BRINP3: variants seen among roughly 807,000 people sequenced by gnomAD.
BRINP3 encodes BMP/retinoic acid inducible neural specific 3.
Under a neutral mutation model 71.0 loss-of-function variants are expected in BRINP3, and 19 were observed. That is an observed-to-expected ratio of 0.27 (90% CI 0.19 to 0.39). The LOEUF (loss-of-function observed/expected upper bound fraction) is 0.39, where lower values mean the gene tolerates loss of function less well. Among genes scored for constraint, BRINP3 ranks in the 10% least tolerant of loss-of-function variants. The probability of loss-of-function intolerance (pLI) is 1.00; values close to 1 mark genes in which losing one functional copy is unlikely to be tolerated. For synonymous variants in BRINP3, 380 were observed against 337.7 expected (o/e 1.13, Z -1.37); for missense variants, 959 against 940.8 (o/e 1.02, Z -0.25).
intron 2 of BRINP3, among the ~76,000 whole-genome samples, chr1:190,414,140 G>A (rs1313935417): frequency 1.3e-5 from 2 of 151,832 alleles, no homozygotes; most frequent in East Asian, 3.9e-4. Context: ...TAAAAATCAT[G>A]CTATTTTCAT....
At chr1:190,346,031 T>C (rs1053348283) in intron 2 of BRINP3, among the ~76,000 whole-genome samples, 9 of 151,948 alleles carry the variant, frequency 5.9e-5, no homozygotes, top group African/African-American at 2.2e-4. Context: ...ATAGTGACAT[T>C]TTAGAGCATC....
intron 6 of BRINP3, among the ~76,000 whole-genome samples, chr1:190,167,708 A>G (rs1246623015): frequency 1.3e-5 from 2 of 152,172 alleles, no homozygotes; most frequent in African/African-American, 4.8e-5. Flanking sequence ...TGAAGGGTAG[A>G]TATGTAGGAT....
intron 7 of BRINP3, among the ~76,000 whole-genome samples, chr1:190,107,425 C>T (rs1652268145): frequency 2.0e-5 from 3 of 151,850 alleles, no homozygotes; most frequent in East Asian, 3.9e-4. Flanking sequence ...CTCTGCTTAG[C>T]CAGTTTAAGA....
At chr1:190,419,829 A>T (rs1673251609) in intron 2 of BRINP3, among the ~76,000 whole-genome samples, 2 of 151,644 alleles carry the variant, frequency 1.3e-5, no homozygotes, top group South Asian at 4.1e-4. Flanking sequence ...GTATCAAACC[A>T]TGTTAACTAG....
At chr1:190,106,450 T>G (rs1326663454) in intron 7 of BRINP3, among the ~76,000 whole-genome samples, 2 of 151,610 alleles carry the variant, frequency 1.3e-5, no homozygotes, top group African/African-American at 2.4e-5. Flanking sequence ...AACAATAAAT[T>G]TTAAGGATTT....
rs115963174 is a variant in BRINP3, at chr1:190,144,033, A to G, written c.1184+16635T>C. On this transcript the variant is annotated intron_variant, in intron 7 of 7. Transcript: ENST00000367462. Reference sequence around the variant, plus strand: ...TGTCCATGAAAATGCATAGGAGAGTATTAAGGGGAAAATCCTCCCTATTTG... The same window carrying G: ...TGTCCATGAAAATGCATAGGAGAGTGTTAAGGGGAAAATCCTCCCTATTTG... 7.0e-3 allele frequency among the ~76,000 whole-genome samples: 1,066 copies of G among 152,296 alleles called. 15 individuals carry two copies. Among genetic ancestry groups the G allele is most frequent in the African/African-American group, 0.024 (1,018 of 41,556 alleles).
At chr1:190,343,828 T>C (rs1057497835) in intron 2 of BRINP3, among the ~76,000 whole-genome samples, 1 of 151,620 alleles carries the variant, frequency 6.6e-6, no homozygotes, top group Admixed American at 6.6e-5. Context: ...TACTCAGATA[T>C]CAAACAGCAA....
chr1:190,400,622 C>A lies in BRINP3; in HGVS notation c.236+54033G>T, dbSNP rs774928578. On this transcript the variant is annotated intron_variant, in intron 2 of 7. Coordinates refer to ENST00000367462, the MANE Select transcript of BRINP3 (RefSeq NM_199051.3). Reference sequence around the variant, plus strand: ...TTTTATAGATTAGTTTGTATGCAATCTCATCCAATATTTGAAAGTGGATTT... The same window carrying A: ...TTTTATAGATTAGTTTGTATGCAATATCATCCAATATTTGAAAGTGGATTT... Among the ~76,000 whole-genome samples, 104 of 152,266 alleles carry A rather than the reference C, an allele frequency of 6.8e-4. 1 individual carries two copies. Among genetic ancestry groups the A allele is most frequent in the Non-Finnish European group, 1.2e-3 (84 of 68,010 alleles).
At chr1:190,401,505 A>C (rs1243404029) in intron 2 of BRINP3, among the ~76,000 whole-genome samples, 1 of 152,098 alleles carries the variant, frequency 6.6e-6, no homozygotes, top group Non-Finnish European at 1.5e-5. Context: ...GAGCTTCTAA[A>C]GTGTGATACA....
chr1:190,355,319 A>G (rs954388584), intron 2 of BRINP3, among the ~76,000 whole-genome samples: 1 of 151,844 alleles, frequency 6.6e-6, no homozygotes, highest in Admixed American at 6.6e-5. Context: ...CAGATTAAGG[A>G]TTTATTTTAC....
chr1:190,205,498 T>C (rs1175284837), intron 6 of BRINP3, among the ~76,000 whole-genome samples: 1 of 152,078 alleles, frequency 6.6e-6, no homozygotes, highest in Non-Finnish European at 1.5e-5. Flanking sequence ...CCTGCTCTAA[T>C]ATGGGAGTTG....
At chr1:190,206,740 T>C (rs377174173) in intron 6 of BRINP3, among the ~76,000 whole-genome samples, 1 of 152,176 alleles carries the variant, frequency 6.6e-6, no homozygotes, top group Middle Eastern at 3.4e-3. Context: ...TCCTAGAAGA[T>C]GAAAAATGGT....
At chr1:190,270,581 T>C (rs1227331771) in intron 3 of BRINP3, among the ~76,000 whole-genome samples, 1 of 151,794 alleles carries the variant, frequency 6.6e-6, no homozygotes, top group Non-Finnish European at 1.5e-5. Flanking sequence ...TTATGCAGTA[T>C]GTTGTTACAT....
chr1:190,453,382 G>T (rs1457179029), intron 2 of BRINP3, among the ~76,000 whole-genome samples: 1 of 150,728 alleles, frequency 6.6e-6, no homozygotes, highest in African/African-American at 2.4e-5. Context: ...CACCACGCCC[G>T]GCTAATTTTT....
intron 2 of BRINP3, among the ~76,000 whole-genome samples, chr1:190,316,234 T>G (rs1473840496): frequency 6.6e-6 from 1 of 152,166 alleles, no homozygotes; most frequent in East Asian, 1.9e-4. Flanking sequence ...TTACAGTAGC[T>G]AATGTAACCC....
At chr1:190,329,782 G>C (rs982718208) in intron 2 of BRINP3, among the ~76,000 whole-genome samples, 3 of 151,868 alleles carry the variant, frequency 2.0e-5, no homozygotes, top group Admixed American at 1.3e-4. Context: ...AAACAGCATA[G>C]TACTGACACA....
At position 190,264,955 on chromosome 1, in the gene BRINP3, C is replaced by G. The variant is rs141418514; in HGVS notation, c.528G>C (p.Thr176=). 1 of 1,613,376 alleles carries G rather than the reference C, an allele frequency of 6.2e-7. No individual in the cohort carries two copies. Among genetic ancestry groups the G allele is most frequent in the Non-Finnish European group, 8.5e-7 (1 of 1,179,734 alleles). ...AATAAGAAGCGGCTAGCTGATGTAG[C>G]GTCTCCAGAGTGACCGAAGAGCTAT... is the stretch of plus-strand genomic sequence containing the variant. ...TTNSSSVTLE[T]LHQLAASYFI... The change falls in exon 4 of 8, where the codon ACG becomes ACC. Residue 176 remains threonine, a synonymous_variant. Coordinates refer to ENST00000367462, the MANE Select transcript of BRINP3 (RefSeq NM_199051.3).
chr1:190,326,325 G>A (rs1224971174), intron 2 of BRINP3, among the ~76,000 whole-genome samples: 1 of 152,058 alleles, frequency 6.6e-6, no homozygotes, highest in Admixed American at 6.6e-5. Flanking sequence ...GCATTCCTGA[G>A]AGAGAAGGAG....
chr1:190,206,683 T>C (rs1420476880), intron 6 of BRINP3, among the ~76,000 whole-genome samples: 2 of 152,108 alleles, frequency 1.3e-5, no homozygotes, highest in African/African-American at 4.8e-5. Flanking sequence ...TATCTGTTAA[T>C]ACGGCTTTTT....
Sources: allele counts gnomAD v4.1 joint callset (sites outside exome capture counted in the v4.1 genomes callset), GRCh38; gene constraint gnomAD v4.1.1; transcripts MANE v1.5; gene names NCBI Gene and HGNC (gene_info 2026-07-23, HGNC 2026-07-21).